ZNF573: variants seen among roughly 807,000 people sequenced by gnomAD.
The protein encoded by ZNF573 is zinc finger protein 573.
A neutral mutation model predicts 57.4 loss-of-function variants in ZNF573; 41 were observed. The observed-to-expected ratio is 0.71, with a 90% CI of 0.56 to 0.93. The LOEUF is 0.93. ZNF573 is among the 40% of genes least tolerant of loss of function. The pLI is 0.00. For synonymous variants in ZNF573, 249 were observed against 261.0 expected, an observed-to-expected ratio of 0.95 and a Z score of 0.44; for missense variants, 730 against 794.8, an observed-to-expected ratio of 0.92 and a Z score of 0.98.
intron 4 of ZNF573, among the ~76,000 whole-genome samples, chr19:37,744,791 T>G (rs1433684121): frequency 6.6e-6 from 1 of 150,656 alleles, no homozygotes; most frequent in Non-Finnish European, 1.5e-5. Flanking sequence ...AGAAAACACT[T>G]TTTTTTTTGA....
chr19:37,741,276 AATC>A (rs1230451334), intron 4 of ZNF573, among the ~76,000 whole-genome samples: 7 of 152,152 alleles, frequency 4.6e-5, no homozygotes, highest in African/African-American at 1.7e-4. Context: ...GCTATCAATC[AATC>A]ATCAAGACAG....
At chr19:37,760,060 G>A (rs1296546910) in intron 4 of ZNF573, among the ~76,000 whole-genome samples, 1 of 152,206 alleles carries the variant, frequency 6.6e-6, no homozygotes, top group Non-Finnish European at 1.5e-5. Context: ...ATGTTCTGGT[G>A]TTGCAGCTTC....
intron 4 of ZNF573, among the ~76,000 whole-genome samples, chr19:37,758,091 T>G (rs1204122467): frequency 6.7e-6 from 1 of 149,490 alleles, no homozygotes; most frequent in Non-Finnish European, 1.5e-5. Context: ...AGGAGATATA[T>G]CTAATGTAAA....
intron 1 of ZNF573, among the ~76,000 whole-genome samples, chr19:37,778,850 G>T (rs1445367234): frequency 6.6e-6 from 1 of 152,102 alleles, no homozygotes; most frequent in African/African-American, 2.4e-5. Flanking sequence ...GAGAGAGGCT[G>T]GAATCTGGGT....
chr19:37,766,478 C>T (rs1341739573), intron 4 of ZNF573, among the ~76,000 whole-genome samples: 1 of 152,232 alleles, frequency 6.6e-6, no homozygotes, highest in Admixed American at 6.5e-5. Context: ...TCCATCAACT[C>T]TTAAATGGCA....
Position 37,742,457 on chromosome 19 carries a change from T to C in ZNF573, c.296-2263A>G, listed in dbSNP as rs148530883. 4.2e-3 allele frequency among the ~76,000 whole-genome samples: 641 copies of C among 152,290 alleles called. 8 individuals are homozygous for C. Among genetic ancestry groups the C allele is most frequent in the African/African-American group, 0.015 (606 of 41,564 alleles). ...CAAGGCTACAGTAACCAAAACAGCA[T>C]GGTACTGGTACCAAAACAGACATAT... On this transcript the variant is annotated intron_variant, in intron 4 of 4. Coordinates refer to ENST00000536220, the MANE Select transcript of ZNF573 (RefSeq NM_001172690.2).
At chr19:37,765,097 C>T (rs1410440573) in intron 4 of ZNF573, among the ~76,000 whole-genome samples, 2 of 151,442 alleles carry the variant, frequency 1.3e-5, no homozygotes, top group African/African-American at 2.4e-5. Context: ...GTAGAGATGG[C>T]GTTTCACCAT....
At chr19:37,753,033 T>C (rs760575152) in intron 4 of ZNF573, among the ~76,000 whole-genome samples, 1 of 152,072 alleles carries the variant, frequency 6.6e-6, no homozygotes, top group Non-Finnish European at 1.5e-5. Context: ...GGTGGGAGGA[T>C]TGCTTGAGCC....
intron 2 of ZNF573, among the ~76,000 whole-genome samples, chr19:37,772,157 A>C (rs961192274): frequency 1.7e-4 from 26 of 151,924 alleles, no homozygotes; most frequent in African/African-American, 6.0e-4. Context: ...TTTTTTGGGG[A>C]CGGGGTCTCA....
chr19:37,746,553 C>T (rs972704874), intron 4 of ZNF573, among the ~76,000 whole-genome samples: 3 of 151,876 alleles, frequency 2.0e-5, no homozygotes, highest in South Asian at 2.1e-4. Context: ...AAGCATACAT[C>T]GGCGAATGTG....
intron 4 of ZNF573, among the ~76,000 whole-genome samples, chr19:37,766,231 C>G (rs1232553031): frequency 6.6e-6 from 1 of 151,264 alleles, no homozygotes; most frequent in Non-Finnish European, 1.5e-5. Flanking sequence ...AGGCATTGAG[C>G]ATAAATGACT....
Position 37,771,286 on chromosome 19 carries a change from T to G in ZNF573, c.202+278A>C, listed in dbSNP as rs73623459. Reference sequence around the variant, plus strand: ...TATTCATGGACTAATAATATATAATTTAATAATAATAATATATAATTTTAA... The same window carrying G: ...TATTCATGGACTAATAATATATAATGTAATAATAATAATATATAATTTTAA... On this transcript the variant is annotated intron_variant, in intron 3 of 4. Coordinates refer to ENST00000536220, the MANE Select transcript of ZNF573 (RefSeq NM_001172690.2). Among the ~76,000 whole-genome samples the G allele has an allele frequency of 7.6e-3, 1,155 of 151,660 alleles. 14 individuals are homozygous for G. The highest frequency in any genetic ancestry group is 0.027 in the African/African-American group (1,115 of 41,390).
In ZNF573 at chr19:37,760,771, G is replaced by A. The variant is rs185807732; in HGVS notation, c.295+9234C>T. ...TGGGAGGCGGAGGTTGTAGTGAGCT[G>A]AGATCGCGCCATTGCACTCCAGCCT... On this transcript the variant is annotated intron_variant, in intron 4 of 4. Coordinates refer to ENST00000536220, the MANE Select transcript of ZNF573 (RefSeq NM_001172690.2). Among the ~76,000 whole-genome samples, 365 of 151,550 alleles carry A rather than the reference G, an allele frequency of 2.4e-3. 1 individual carries two copies. The highest frequency in any genetic ancestry group is 8.8e-3 in the African/African-American group (362 of 41,254).
At chr19:37,756,738 C>T (rs2045491398) in intron 4 of ZNF573, among the ~76,000 whole-genome samples, 3 of 151,912 alleles carry the variant, frequency 2.0e-5, no homozygotes, top group South Asian at 4.2e-4. Flanking sequence ...TCCCTAAATA[C>T]GTTTGTTCAA....
intron 4 of ZNF573, among the ~76,000 whole-genome samples, chr19:37,764,512 G>T (rs1380873331): frequency 6.6e-6 from 1 of 151,366 alleles, no homozygotes; most frequent in African/African-American, 2.4e-5. Flanking sequence ...ATAGAGACGG[G>T]GTTTCACCAT....
At position 37,770,832 on chromosome 19, in the gene ZNF573, TTATATATATATATATATA is replaced by T. The variant is rs58757674; in HGVS notation, c.202+714_202+731del. On this transcript the variant is annotated intron_variant, in intron 3 of 4. Transcript: ENST00000536220. ...ACAGTTCTTTCAGGATTAAGTTATT[TTATATATATATATATATA>T]TATATATATATATATATATATATTC... Among the ~76,000 whole-genome samples the T allele has an allele frequency of 9.7e-3, 909 of 93,716 alleles. 32 individuals are homozygous for T. The highest frequency in any genetic ancestry group is 0.056 in the East Asian group (72 of 1,282). The allele number at this position is 93,716 out of a possible 152,430, so 61.5% of individuals were successfully genotyped here.
intron 3 of ZNF573, chr19:37,770,312 A>G (rs556871418): frequency 3.9e-5 from 16 of 410,258 alleles, no homozygotes; most frequent in Non-Finnish European, 8.6e-6. Flanking sequence ...ACCTTATAAA[A>G]TGTCTCTTTC....
intron 4 of ZNF573, among the ~76,000 whole-genome samples, chr19:37,750,039 A>G (rs1164091316): frequency 2.6e-5 from 4 of 152,148 alleles, no homozygotes; most frequent in Non-Finnish European, 4.4e-5. Flanking sequence ...CATTCCCTCA[A>G]CACATGTATG....
intron 4 of ZNF573, among the ~76,000 whole-genome samples, chr19:37,746,618 C>T (rs1044131241): frequency 6.6e-6 from 1 of 151,838 alleles, no homozygotes; most frequent in Non-Finnish European, 1.5e-5. Context: ...CTTGCTCTGT[C>T]GCCCAGGCTG....
Sources: allele counts gnomAD v4.1 joint callset (sites outside exome capture counted in the v4.1 genomes callset), GRCh38; gene constraint gnomAD v4.1.1; transcripts MANE v1.5; gene names NCBI Gene and HGNC (gene_info 2026-07-23, HGNC 2026-07-21).